ABHD12B: variants seen among roughly 807,000 people sequenced by gnomAD.
ABHD12B encodes the protein protein ABHD12B.
ABHD12B carries 42 observed loss-of-function variants against 50.4 expected under a neutral mutation model. The ratio of observed to expected loss-of-function variants is 0.83; its 90% CI spans 0.65 to 1.08. The LOEUF (loss-of-function observed/expected upper bound fraction) is 1.08, where lower values mean the gene tolerates loss of function less well. ABHD12B is among the 50% of genes least tolerant of loss of function. ABHD12B has a pLI of 0.00. For missense variants in ABHD12B, 479 were observed against 447.7 expected (o/e 1.07, Z -0.63); for synonymous variants, 167 against 160.3 (o/e 1.04, Z -0.32).
intron 1 of ABHD12B, among the ~76,000 whole-genome samples, chr14:50,876,050 T>C (rs1181045454): frequency 2.0e-5 from 3 of 152,080 alleles, no homozygotes; most frequent in African/African-American, 7.2e-5. Context: ...TTCTGTCCAT[T>C]TGGGCTTGAT....
chr14:50,896,740 A>G (rs973771795), intron 9 of ABHD12B, among the ~76,000 whole-genome samples: 4 of 150,772 alleles, frequency 2.7e-5, no homozygotes, highest in African/African-American at 9.8e-5. Context: ...TTACCTTCCC[A>G]AATCCTATAA....
At chr14:50,875,612 G>A (rs1019192088) in intron 1 of ABHD12B, among the ~76,000 whole-genome samples, 2 of 152,160 alleles carry the variant, frequency 1.3e-5, no homozygotes, top group Admixed American at 6.5e-5. Flanking sequence ...CGGGGATTGG[G>A]CTGAAACTGC....
At chr14:50,895,253 C>T (rs746893978) in intron 9 of ABHD12B, among the ~76,000 whole-genome samples, 7 of 149,744 alleles carry the variant, frequency 4.7e-5, no homozygotes, top group African/African-American at 1.0e-4. Context: ...AATTAGATTC[C>T]GGCCCTCAAA....
intron 2 of ABHD12B, 109 bp downstream of exon 2, chr14:50,878,188 G>T (rs969318661): frequency 2.9e-5 from 29 of 1,002,108 alleles, no homozygotes; most frequent in Non-Finnish European, 3.6e-5. Context: ...GTAAAATTGT[G>T]GTTAGACTGA....
chr14:50,878,555 G>A (rs750909065), intron 2 of ABHD12B, among the ~76,000 whole-genome samples, 190 bp from the exon 3 acceptor site: 2 of 152,124 alleles, frequency 1.3e-5, no homozygotes, highest in Non-Finnish European at 1.5e-5. Flanking sequence ...CTAGCTTTTA[G>A]GTTTTTGTTT....
intron 3 of ABHD12B, among the ~76,000 whole-genome samples, chr14:50,880,088 G>A (rs912406286): frequency 2.0e-5 from 3 of 152,094 alleles, no homozygotes; most frequent in South Asian, 2.1e-4. Context: ...CTCTTCGGCC[G>A]AACTCATGGC....
intron 11 of ABHD12B, among the ~76,000 whole-genome samples, chr14:50,903,706 G>A (rs2050293479): frequency 6.6e-6 from 1 of 152,180 alleles, no homozygotes; most frequent in Admixed American, 6.5e-5. Flanking sequence ...AGCTGCAAGT[G>A]TAGGGTATCC....
chr14:50,874,523 C>A (rs1410540051), intron 1 of ABHD12B, among the ~76,000 whole-genome samples: 1 of 152,040 alleles, frequency 6.6e-6, no homozygotes, highest in African/African-American at 2.4e-5. Flanking sequence ...TTGCTTGAAC[C>A]TGGGAGGCGG....
intron 7 of ABHD12B, among the ~76,000 whole-genome samples, 172 bp downstream of exon 7, chr14:50,886,067 G>C (rs2050032549): frequency 6.6e-6 from 1 of 152,142 alleles, no homozygotes; most frequent in Non-Finnish European, 1.5e-5. Context: ...CATGCTATTT[G>C]TAAAACAACA....
intron 5 of ABHD12B, 129 bp downstream of exon 5, chr14:50,881,755 T>C: frequency 2.8e-6 from 3 of 1,079,162 alleles, no homozygotes; most frequent in South Asian, 2.8e-5. Flanking sequence ...TGGGTTGTGG[T>C]GTCTGGGGCT....
chr14:50,890,222 T>C (rs552921862), intron 9 of ABHD12B, among the ~76,000 whole-genome samples: 3 of 152,332 alleles, frequency 2.0e-5, no homozygotes, highest in African/African-American at 7.2e-5. Flanking sequence ...GTAACATAAG[T>C]CAAATACAAT....
chr14:50,895,593 C>A (rs990305777), intron 9 of ABHD12B: 2 of 152,122 alleles, frequency 1.3e-5, no homozygotes, highest in African/African-American at 4.8e-5. Context: ...AACTCTGGCC[C>A]AAGGCTCTCT....
intron 1 of ABHD12B, among the ~76,000 whole-genome samples, chr14:50,877,665 G>A (rs536596677): frequency 1.2e-4 from 19 of 152,244 alleles, no homozygotes; most frequent in Admixed American, 5.9e-4. Flanking sequence ...TCAGGAGTTC[G>A]AGACCAGCCT....
chr14:50,876,385 T>C (rs1177179417), intron 1 of ABHD12B, among the ~76,000 whole-genome samples: 1 of 152,194 alleles, frequency 6.6e-6, no homozygotes, highest in Non-Finnish European at 1.5e-5. Flanking sequence ...TTTTAAGTCA[T>C]TAACACTTCA....
At chr14:50,880,941 A>C (rs1280725313) in intron 4 of ABHD12B, among the ~76,000 whole-genome samples, 2 of 152,204 alleles carry the variant, frequency 1.3e-5, no homozygotes, top group Non-Finnish European at 2.9e-5. Context: ...TCCAGATCAG[A>C]GATTTTTCAG....
At chr14:50,887,772 T>C (rs527298325) in intron 8 of ABHD12B, among the ~76,000 whole-genome samples, 2 of 152,348 alleles carry the variant, frequency 1.3e-5, no homozygotes, top group East Asian at 1.9e-4. Flanking sequence ...GGCTGGCCTA[T>C]TTCTAGTTCA....
chr14:50,884,094 TTACTTA>T (rs2050000293), intron 5 of ABHD12B, among the ~76,000 whole-genome samples: 1 of 152,364 alleles, frequency 6.6e-6, no homozygotes, highest in South Asian at 2.1e-4. Flanking sequence ...AAGCAATTGT[TTACTTA>T]ACTGTTACAC....
intron 9 of ABHD12B, chr14:50,893,488 C>A (rs982641605): frequency 3.0e-4 from 45 of 152,426 alleles, no homozygotes; most frequent in African/African-American, 1.0e-3. Context: ...TAAAACAGCC[C>A]CACCCCTATC....
intron 2 of ABHD12B, 31 bp downstream of exon 2, chr14:50,878,110 T>C: frequency 1.3e-6 from 2 of 1,488,554 alleles, no homozygotes; most frequent in Non-Finnish European, 1.8e-6. Flanking sequence ...AATTTTCCTA[T>C]ATAATTTTTC....
Sources: gnomAD v4.1 joint callset for allele counts (sites outside exome capture counted in the v4.1 genomes callset) on GRCh38, gnomAD v4.1.1 for gene constraint, MANE v1.5 for transcripts, NCBI Gene and HGNC (gene_info 2026-07-23, HGNC 2026-07-21) for gene names.